DENND1A: variants seen among roughly 807,000 people sequenced by gnomAD.
DENND1A encodes the protein DENN domain-containing protein 1A.
In DENND1A, 51 loss-of-function variants were observed where a neutral mutation model predicts 113.7. The ratio of observed to expected loss-of-function variants is 0.45; its 90% CI spans 0.36 to 0.57. DENND1A has a LOEUF of 0.57. Among genes scored for constraint, DENND1A ranks in the 20% least tolerant of loss-of-function variants. The probability of loss-of-function intolerance (pLI) is 0.00; values close to 1 mark genes in which losing one functional copy is unlikely to be tolerated. For missense variants in DENND1A, 1,258 were observed against 1,395.9 expected (o/e 0.90, Z 1.57); for synonymous variants, 565 against 570.8 (o/e 0.99, Z 0.14).
At chr9:123,713,569 G>A (rs1168599782) in intron 5 of DENND1A, among the ~76,000 whole-genome samples, 1 of 152,068 alleles carries the variant, frequency 6.6e-6, no homozygotes, top group African/African-American at 2.4e-5. Context: ...ATAGGAGTGG[G>A]ACCACGGGAC....
intron 9 of DENND1A, among the ~76,000 whole-genome samples, chr9:123,638,470 A>G (rs2061836413): frequency 1.3e-5 from 2 of 151,960 alleles, no homozygotes; most frequent in Admixed American, 6.6e-5. Flanking sequence ...CCTCACATGC[A>G]CTTTTGTTGT....
intron 4 of DENND1A, among the ~76,000 whole-genome samples, chr9:123,767,654 A>G (rs1829039140): frequency 6.6e-6 from 1 of 152,160 alleles, no homozygotes; most frequent in African/African-American, 2.4e-5. Context: ...CAGTGTGTGT[A>G]TGTGTGTATG....
At chr9:123,578,765 G>A (rs1408392770) in intron 12 of DENND1A, among the ~76,000 whole-genome samples, 1 of 152,130 alleles carries the variant, frequency 6.6e-6, no homozygotes, top group African/African-American at 2.4e-5. Context: ...ATTACACAAG[G>A]TACACAAGGG....
intron 13 of DENND1A, among the ~76,000 whole-genome samples, chr9:123,521,903 G>A (rs535650341): frequency 1.6e-4 from 24 of 152,308 alleles, no homozygotes; most frequent in African/African-American, 5.1e-4. Context: ...TGTAAGAAAT[G>A]ACAACGCATG....
intron 5 of DENND1A, among the ~76,000 whole-genome samples, chr9:123,679,399 C>T (rs151290929): frequency 2.1e-3 from 318 of 152,160 alleles, no homozygotes; most frequent in African/African-American, 7.3e-3. Context: ...CACACTCAGC[C>T]TCAGCCTCAG....
At chr9:123,528,265 CCT>C (rs2055007574) in intron 13 of DENND1A, among the ~76,000 whole-genome samples, 3 of 152,172 alleles carry the variant, frequency 2.0e-5, no homozygotes, top group Non-Finnish European at 4.4e-5. Context: ...TCATTACTTT[CCT>C]AGCAAGCTAC....
intron 11 of DENND1A, among the ~76,000 whole-genome samples, chr9:123,590,402 A>G (rs1027090038): frequency 5.3e-5 from 8 of 152,184 alleles, no homozygotes; most frequent in Non-Finnish European, 1.0e-4. Context: ...ATAGATCCAA[A>G]GCCAGTCTGG....
chr9:123,785,765 C>T (rs1474368050), intron 3 of DENND1A, among the ~76,000 whole-genome samples: 9 of 152,030 alleles, frequency 5.9e-5, no homozygotes, highest in East Asian at 1.9e-4. Context: ...GCTCTTAGGC[C>T]GAATAGTCTA....
At chr9:123,804,860 G>A (rs1352122836) in intron 2 of DENND1A, among the ~76,000 whole-genome samples, 1 of 152,110 alleles carries the variant, frequency 6.6e-6, no homozygotes, top group African/African-American at 2.4e-5. Flanking sequence ...CCTGCTTCTG[G>A]TTCCAATTTC....
intron 2 of DENND1A, among the ~76,000 whole-genome samples, chr9:123,796,945 C>T (rs1292753694): frequency 6.6e-6 from 1 of 152,136 alleles, no homozygotes; most frequent in African/African-American, 2.4e-5. Flanking sequence ...ACGCCATCAT[C>T]TCCTATAATA....
intron 2 of DENND1A, among the ~76,000 whole-genome samples, chr9:123,846,247 T>C (rs1216970502): frequency 1.3e-5 from 2 of 152,224 alleles, no homozygotes; most frequent in Admixed American, 6.5e-5. Flanking sequence ...CTGGTGGCTA[T>C]ATAAAATGGT....
chr9:123,810,567 A>C (rs968311448), intron 2 of DENND1A, among the ~76,000 whole-genome samples: 13 of 150,548 alleles, frequency 8.6e-5, no homozygotes, highest in South Asian at 2.1e-4. Flanking sequence ...AAAAAAAAAA[A>C]AACAAACATA....
At chr9:123,769,829 G>A (rs543125795) in intron 3 of DENND1A, among the ~76,000 whole-genome samples, 6 of 152,262 alleles carry the variant, frequency 3.9e-5, no homozygotes, top group African/African-American at 1.4e-4. Flanking sequence ...TGAAGGGAGG[G>A]AGGCGGTTGG....
chr9:123,549,018 A>T (rs1214368356), intron 13 of DENND1A, among the ~76,000 whole-genome samples: 1 of 152,242 alleles, frequency 6.6e-6, no homozygotes, highest in Non-Finnish European at 1.5e-5. Flanking sequence ...AATGCCATTC[A>T]TGCCAATGAA....
intron 1 of DENND1A, among the ~76,000 whole-genome samples, chr9:123,929,412 AC>A (rs1646957669): frequency 6.6e-6 from 1 of 152,174 alleles, no homozygotes; most frequent in Non-Finnish European, 1.5e-5. Flanking sequence ...TTAGGTGGCC[AC>A]ACCATGAGCG....
chr9:123,733,256 C>T (rs1431529335), intron 5 of DENND1A, among the ~76,000 whole-genome samples: 3 of 151,072 alleles, frequency 2.0e-5, no homozygotes, highest in Non-Finnish European at 2.9e-5. Context: ...GCTGGGATTA[C>T]AGGTGTGAGC....
chr9:123,565,274 G>A (rs1483005682), intron 12 of DENND1A, among the ~76,000 whole-genome samples: 2 of 152,174 alleles, frequency 1.3e-5, no homozygotes, highest in Non-Finnish European at 2.9e-5. Context: ...TTACAGGCGT[G>A]AGCCACCGCA....
intron 3 of DENND1A, among the ~76,000 whole-genome samples, chr9:123,785,516 A>AT (rs2131920402): frequency 6.6e-6 from 1 of 152,284 alleles, no homozygotes; most frequent in Admixed American, 6.5e-5. Flanking sequence ...CTATGAACCT[A>AT]TACTTAGAAA....
intron 11 of DENND1A, among the ~76,000 whole-genome samples, chr9:123,590,611 T>A (rs553973870): frequency 6.6e-6 from 1 of 152,314 alleles, no homozygotes; most frequent in Non-Finnish European, 1.5e-5. Context: ...TAAGTGTTTG[T>A]TAAATAAAAA....
Sources: allele counts gnomAD v4.1 joint callset (sites outside exome capture counted in the v4.1 genomes callset), GRCh38; gene constraint gnomAD v4.1.1; transcripts MANE v1.5; gene names NCBI Gene and HGNC (gene_info 2026-07-23, HGNC 2026-07-21).